The following B4GALT5 variants were observed in gnomAD, a reference collection of about 807,000 sequenced individuals.
B4GALT5 encodes beta-1,4-galactosyltransferase 5.
In B4GALT5, 11 loss-of-function variants were observed where a neutral mutation model predicts 45.0. The ratio of observed to expected loss-of-function variants is 0.24; its 90% confidence interval spans 0.15 to 0.40. The LOEUF is 0.40. B4GALT5 is among the 10% of genes least tolerant of loss of function. B4GALT5 has a pLI of 1.00. For missense variants in B4GALT5, 337 were observed against 500.2 expected, an observed-to-expected ratio of 0.67 and a Z score of 3.11; for synonymous variants, 185 against 182.9, an observed-to-expected ratio of 1.01 and a Z score of -0.09.
chr20:49,680,033 C>T (rs2085757728), intron 1 of B4GALT5, among the ~76,000 whole-genome samples: 1 of 152,192 alleles, frequency 6.6e-6, no homozygotes, highest in South Asian at 2.1e-4. Flanking sequence ...GACTTGATTG[C>T]TACCTTTAAA....
chr20:49,643,705 A>G, intron 3 of B4GALT5, 55 bp from the exon 4 acceptor site: 1 of 1,576,846 alleles, frequency 6.3e-7, no homozygotes, highest in Admixed American at 1.7e-5. Flanking sequence ...AGGTTTCCCT[A>G]TGCCTGGGGT....
rs761069219 is a variant in B4GALT5, at chr20:49,658,485, T to C, written c.116-1783A>G. ...ACATATTACTAAACCAGTTGTCTTA[T>C]TGAAAATTTTGTGTAAAGCTTTTAT... On this transcript the variant is annotated intron_variant, in intron 1 of 8. Transcript: ENST00000371711. 2.8e-4 allele frequency among the ~76,000 whole-genome samples: 43 copies of C among 152,324 alleles called. 1 individual carries two copies. In the Middle Eastern group the frequency reaches 0.01, roughly 36 times the overall value.
In B4GALT5 at chr20:49,633,138, C is replaced by A. The variant is rs1423275313; in HGVS notation, c.*3174G>T. 1 of 152,598 alleles carries A rather than the reference C, an allele frequency of 6.6e-6. No individual in the cohort carries two copies. The highest frequency in any genetic ancestry group is 2.4e-5 in the African/African-American group (1 of 41,424). 9.5% of individuals were successfully genotyped at this position (152,598 alleles called of 1,614,324 possible). Reference sequence around the variant, plus strand: ...TAAAACGTAAGAGCAAGCTCAAAAACACGTAGTGATGGAAATAAGCTAGCT... The same window carrying A: ...TAAAACGTAAGAGCAAGCTCAAAAAAACGTAGTGATGGAAATAAGCTAGCT... On this transcript the variant is annotated 3_prime_UTR_variant, in exon 9 of 9. Transcript: ENST00000371711.
intron 1 of B4GALT5, among the ~76,000 whole-genome samples, chr20:49,658,440 G>C (rs533039489): frequency 4.6e-5 from 7 of 152,300 alleles, no homozygotes; most frequent in East Asian, 3.9e-4. Flanking sequence ...CCACTGCCCT[G>C]AAATCTTCCT....
At chr20:49,710,360 T>A (rs1218308833) in intron 1 of B4GALT5, among the ~76,000 whole-genome samples, 1 of 152,046 alleles carries the variant, frequency 6.6e-6, no homozygotes, top group African/African-American at 2.4e-5. Context: ...AAAACAGAAA[T>A]TTCATATGGC....
At chr20:49,671,860 A>T (rs1446190809) in intron 1 of B4GALT5, among the ~76,000 whole-genome samples, 1 of 152,052 alleles carries the variant, frequency 6.6e-6, no homozygotes, top group African/African-American at 2.4e-5. Flanking sequence ...ATTTTTTTTT[A>T]AAACAATAAT....
intron 1 of B4GALT5, among the ~76,000 whole-genome samples, chr20:49,666,834 C>T (rs3787325): frequency 0.47 from 71,092 of 151,966 alleles, 17,594 homozygotes; most frequent in South Asian, 0.65. Flanking sequence ...ACCTTACCCC[C>T]AAACAAGCAG....
intron 2 of B4GALT5, among the ~76,000 whole-genome samples, chr20:49,648,876 GA>G (rs779262597): frequency 2.0e-5 from 3 of 152,212 alleles, no homozygotes; most frequent in Non-Finnish European, 4.4e-5. Flanking sequence ...AACTCTGAAT[GA>G]GAGATCCTTC....
chr20:49,664,230 C>A (rs964199122), intron 1 of B4GALT5, among the ~76,000 whole-genome samples: 1 of 151,968 alleles, frequency 6.6e-6, no homozygotes, highest in East Asian at 1.9e-4. Flanking sequence ...TCTAGAATAT[C>A]CCTTAAGAGT....
intron 2 of B4GALT5, among the ~76,000 whole-genome samples, chr20:49,654,078 C>T (rs2085632458): frequency 6.6e-6 from 1 of 152,208 alleles, no homozygotes; most frequent in Non-Finnish European, 1.5e-5. Flanking sequence ...AGAAGTATGA[C>T]ATCTGGACTG....
At chr20:49,662,020 TC>T (rs912826047) in intron 1 of B4GALT5, among the ~76,000 whole-genome samples, 8 of 152,126 alleles carry the variant, frequency 5.3e-5, no homozygotes, top group African/African-American at 1.9e-4. Flanking sequence ...CTGGACAGCT[TC>T]CGGGGGCGAA....
chr20:49,643,729 G>C, intron 3 of B4GALT5, 79 bp from the exon 4 acceptor site: 2 of 1,490,718 alleles, frequency 1.3e-6, no homozygotes, highest in Non-Finnish European at 9.1e-7. Flanking sequence ...AGTCTCTGGA[G>C]AGCGCAATGC....
At chr20:49,673,117 C>T (rs963094714) in intron 1 of B4GALT5, among the ~76,000 whole-genome samples, 5 of 152,176 alleles carry the variant, frequency 3.3e-5, no homozygotes, top group Non-Finnish European at 5.9e-5. Flanking sequence ...CGCAGTGGCT[C>T]ACACCTGTAA....
chr20:49,689,711 G>A (rs1441106495), intron 1 of B4GALT5, among the ~76,000 whole-genome samples: 1 of 151,798 alleles, frequency 6.6e-6, no homozygotes, highest in Non-Finnish European at 1.5e-5. Flanking sequence ...TCCCTTCTTG[G>A]TGTAAAAGTT....
chr20:49,699,011 T>C (rs538198769), intron 1 of B4GALT5, among the ~76,000 whole-genome samples: 1 of 152,184 alleles, frequency 6.6e-6, no homozygotes, highest in Admixed American at 6.5e-5. Context: ...AAGCAAAGAC[T>C]GGCAAGCAGA....
rs527345760 is a variant in B4GALT5 at position 49,641,739 on chromosome 20, C to T, written c.606+729G>A. Among the ~76,000 whole-genome samples, 6 of 152,238 alleles carry T rather than the reference C, an allele frequency of 3.9e-5. No homozygotes were observed. The East Asian group carries it at 7.7e-4, about 20-fold the overall frequency. ...AGCATGCAAAAGACCCTCAGACTGA[C>T]GATCAGTGTATTCAGGGAAATCTGT... On this transcript the variant is annotated intron_variant, in intron 5 of 8. Coordinates refer to ENST00000371711, the MANE Select transcript of B4GALT5 (RefSeq NM_004776.4).
At chr20:49,667,352 C>T (rs1489791896) in intron 1 of B4GALT5, among the ~76,000 whole-genome samples, 1 of 151,654 alleles carries the variant, frequency 6.6e-6, no homozygotes, top group Non-Finnish European at 1.5e-5. Context: ...CAGGGGTTCA[C>T]GCCATTCTCC....
chr20:49,690,484 G>C (rs1226947162), intron 1 of B4GALT5, among the ~76,000 whole-genome samples: 2 of 151,686 alleles, frequency 1.3e-5, no homozygotes, highest in African/African-American at 2.4e-5. Context: ...GGGAGGCGGA[G>C]GTTGCAGTAA....
intron 1 of B4GALT5, among the ~76,000 whole-genome samples, chr20:49,693,561 A>C (rs578028510): frequency 1.1e-4 from 16 of 152,354 alleles, no homozygotes; most frequent in African/African-American, 3.4e-4. Context: ...AAAGGCCCTA[A>C]GGTAGATGAC....
Sources: gnomAD v4.1 joint callset for allele counts (sites outside exome capture counted in the v4.1 genomes callset) on GRCh38, gnomAD v4.1.1 for gene constraint, MANE v1.5 for transcripts, NCBI Gene and HGNC (gene_info 2026-07-23, HGNC 2026-07-21) for gene names.